LRRC20: variants seen among roughly 807,000 people sequenced by gnomAD.
LRRC20 encodes the protein leucine rich repeat containing 20, also known as leucine-rich repeat-containing protein 20.
LRRC20 carries 11 observed loss-of-function variants against 14.4 expected under a neutral mutation model. The ratio of observed to expected loss-of-function variants is 0.77; its 90% CI spans 0.48 to 1.27. LRRC20 has a LOEUF of 1.27. LRRC20 is among the 50% of genes most tolerant of loss of function. LRRC20 has a pLI of 0.00. For missense variants in LRRC20, 219 were observed against 251.2 expected (o/e 0.87, Z 0.87); for synonymous variants, 121 against 107.3 (o/e 1.13, Z -0.79).
At chr10:70,376,886 G>A in intron 1 of LRRC20, 1 of 295,594 alleles carries the variant, frequency 3.4e-6, no homozygotes, top group South Asian at 3.9e-5. Flanking sequence ...CAGCCAGGGA[G>A]GTGTGAGGAC....
rs1315125934 is a variant in LRRC20, at chr10:70,300,455, CT to C, written c.*898del. ...CTACAAATCCCGTGGTCCACATCGC[CT>C]TCTGCCCCCAGGAGGCCATGACAAG... On this transcript the variant is annotated 3_prime_UTR_variant, in exon 5 of 5. Coordinates refer to ENST00000446961, the MANE Select transcript of LRRC20 (RefSeq NM_001278212.2). The C allele has an allele frequency of 3.6e-5, 35 of 985,600 alleles. No individual in the cohort carries two copies. Among genetic ancestry groups the C allele is most frequent in the Non-Finnish European group, 4.0e-5 (33 of 830,074 alleles). The allele number at this position is 985,600 out of a possible 1,614,324, so 61.1% of individuals were successfully genotyped here. A position where few individuals can be genotyped will look rare whatever the true frequency, so the allele number is the denominator to read the frequency against.
chr10:70,344,199 G>GA (rs1356231752), intron 2 of LRRC20, among the ~76,000 whole-genome samples: 5 of 151,360 alleles, frequency 3.3e-5, no homozygotes, highest in Admixed American at 2.6e-4. Flanking sequence ...GACCTTGTCT[G>GA]AAAAAAAGAA....
intron 1 of LRRC20, among the ~76,000 whole-genome samples, chr10:70,378,653 G>A (rs1844595934): frequency 6.6e-6 from 1 of 151,944 alleles, no homozygotes; most frequent in Non-Finnish European, 1.5e-5. Flanking sequence ...TGGGCGTGGT[G>A]GCGGGCGCCT....
intron 2 of LRRC20, among the ~76,000 whole-genome samples, chr10:70,342,986 T>C (rs1169710037): frequency 6.6e-6 from 1 of 152,214 alleles, no homozygotes; most frequent in Non-Finnish European, 1.5e-5. Flanking sequence ...AATATTTCTA[T>C]ATGCCAGCAA....
At position 70,333,766 on chromosome 10, in the gene LRRC20, A is replaced by G. The variant is rs1033869839; in HGVS notation, c.232+6787T>C. On this transcript the variant is annotated intron_variant, in intron 3 of 4. Coordinates refer to ENST00000446961, the MANE Select transcript of LRRC20 (RefSeq NM_001278212.2). Reference sequence around the variant, plus strand: ...AGGTAGGAACTCTTGATCATCTGCAATTGGGGTCTGCCCCTTGTGCATAAC... The same window carrying G: ...AGGTAGGAACTCTTGATCATCTGCAGTTGGGGTCTGCCCCTTGTGCATAAC... Among the ~76,000 whole-genome samples the G allele has an allele frequency of 3.3e-5, 5 of 152,210 alleles. 1 individual carries two copies. The highest frequency in any genetic ancestry group is 1.2e-4 in the African/African-American group (5 of 41,452).
At chr10:70,316,337 C>T (rs1381618473) in intron 4 of LRRC20, among the ~76,000 whole-genome samples, 4 of 152,082 alleles carry the variant, frequency 2.6e-5, no homozygotes, top group East Asian at 1.9e-4. Context: ...TTCACCACAT[C>T]GGCCAGGCCA....
intron 2 of LRRC20, among the ~76,000 whole-genome samples, chr10:70,355,159 A>G (rs1349048985): frequency 6.6e-6 from 1 of 152,218 alleles, no homozygotes; most frequent in Non-Finnish European, 1.5e-5. Flanking sequence ...GCAGACAGCG[A>G]GCAAAACAAC....
intron 3 of LRRC20, among the ~76,000 whole-genome samples, chr10:70,325,040 C>T (rs1842266107): frequency 6.6e-6 from 1 of 152,102 alleles, no homozygotes; most frequent in Non-Finnish European, 1.5e-5. Flanking sequence ...TGTCCAGTCC[C>T]CATCCAGGTG....
chr10:70,316,751 A>T (rs1014911906), intron 4 of LRRC20, among the ~76,000 whole-genome samples: 1 of 152,246 alleles, frequency 6.6e-6, no homozygotes, highest in Non-Finnish European at 1.5e-5. Flanking sequence ...GTGCGGCTGC[A>T]CAGCTGGCAA....
Position 70,301,039 on chromosome 10 carries a change from GC to G in LRRC20, c.*314del, listed in dbSNP as rs1274740906. On this transcript the variant is annotated 3_prime_UTR_variant, in exon 5 of 5. Transcript: ENST00000446961. ...CGTACTGCTTAAAAACCTCCAGGGAGCCCAAAGGAGGGAAAGGGTCCTGTTT... is the reference window on the plus strand; with the variant it reads ...CGTACTGCTTAAAAACCTCCAGGGAGCCAAAGGAGGGAAAGGGTCCTGTTT... 2.3e-5 allele frequency: 26 copies of G among 1,126,920 alleles called. No homozygotes were observed. Among genetic ancestry groups the G allele is most frequent in the Non-Finnish European group, 2.8e-5 (26 of 920,744 alleles). 69.8% of individuals were successfully genotyped at this position (1,126,920 alleles called of 1,614,324 possible).
intron 1 of LRRC20, 138 bp downstream of exon 1, chr10:70,382,411 G>A (rs1442305475): frequency 1.3e-5 from 2 of 152,322 alleles, no homozygotes; most frequent in African/African-American, 4.8e-5. Flanking sequence ...CCTGGGGGAG[G>A]GGAGGGGACG....
At chr10:70,348,572 A>T (rs750147924) in intron 2 of LRRC20, among the ~76,000 whole-genome samples, 2 of 152,218 alleles carry the variant, frequency 1.3e-5, no homozygotes, top group African/African-American at 2.4e-5. Flanking sequence ...AGAAGTGAGG[A>T]CGGGGAGATT....
intron 3 of LRRC20, among the ~76,000 whole-genome samples, chr10:70,328,560 G>A (rs987695325): frequency 6.6e-6 from 1 of 152,200 alleles, no homozygotes; most frequent in Non-Finnish European, 1.5e-5. Flanking sequence ...GCCTTCCAAA[G>A]TGCTAGGATT....
At chr10:70,339,742 C>A (rs955199719) in intron 3 of LRRC20, among the ~76,000 whole-genome samples, 1 of 152,220 alleles carries the variant, frequency 6.6e-6, no homozygotes, top group Non-Finnish European at 1.5e-5. Flanking sequence ...ATTTCTAGAG[C>A]ATCTACGAGG....
At chr10:70,312,015 G>A (rs75098436) in intron 4 of LRRC20, among the ~76,000 whole-genome samples, 1,554 of 152,302 alleles carry the variant, frequency 0.01, 31 homozygotes, top group African/African-American at 0.036. Context: ...GATTACAAAC[G>A]ATGGCTCCAG....
intron 2 of LRRC20, among the ~76,000 whole-genome samples, chr10:70,363,489 T>C (rs1485516655): frequency 6.6e-6 from 1 of 152,164 alleles, no homozygotes; most frequent in Non-Finnish European, 1.5e-5. Flanking sequence ...TCCAGAATTG[T>C]GAGAAATAAA....
At chr10:70,333,132 G>A (rs1390755041) in intron 3 of LRRC20, among the ~76,000 whole-genome samples, 3 of 152,202 alleles carry the variant, frequency 2.0e-5, no homozygotes, top group Non-Finnish European at 4.4e-5. Flanking sequence ...AGAGGGAAGT[G>A]AAGGGAAACT....
chr10:70,375,227 A>G (rs1844461765), intron 2 of LRRC20, among the ~76,000 whole-genome samples: 1 of 152,204 alleles, frequency 6.6e-6, no homozygotes, highest in African/African-American at 2.4e-5. Flanking sequence ...CTGATAGAGG[A>G]AATGCCTCTC....
chr10:70,323,777 C>T, intron 4 of LRRC20, 86 bp downstream of exon 4: 1 of 1,450,738 alleles, frequency 6.9e-7, no homozygotes, highest in Non-Finnish European at 9.5e-7. Context: ...GCTTCTCCTC[C>T]CACCTGTGAA....
Sources: gnomAD v4.1 joint callset for allele counts (sites outside exome capture counted in the v4.1 genomes callset) on GRCh38, gnomAD v4.1.1 for gene constraint, MANE v1.5 for transcripts, NCBI Gene and HGNC (gene_info 2026-07-23, HGNC 2026-07-21) for gene names.